IL17RC: variants seen among roughly 807,000 people sequenced by gnomAD.
IL17RC encodes interleukin 17 receptor C.
Under a neutral mutation model 86.7 loss-of-function variants are expected in IL17RC, and 53 were observed. The observed-to-expected ratio is 0.61, with a 90% confidence interval of 0.49 to 0.77. The LOEUF is 0.77. Ranked by LOEUF, IL17RC falls within the 30% of genes least tolerant of loss-of-function variation. IL17RC has a pLI of 0.00. For synonymous variants in IL17RC, 439 were observed against 413.1 expected, an observed-to-expected ratio of 1.06 and a Z score of -0.76; for missense variants, 957 against 940.0, an observed-to-expected ratio of 1.02 and a Z score of -0.24.
At chr3:9,923,811 C>T in intron 7 of IL17RC, 70 bp from the exon 8 acceptor site, 1 of 1,556,470 alleles carries the variant, frequency 6.4e-7, no homozygotes, top group Non-Finnish European at 8.8e-7. Context: ...AAGGAAACTC[C>T]AAAGGGTCAG....
At chr3:9,928,808 C>A (rs1323320434) in intron 12 of IL17RC, among the ~76,000 whole-genome samples, 178 bp downstream of exon 12, 1 of 152,156 alleles carries the variant, frequency 6.6e-6, no homozygotes, top group Non-Finnish European at 1.5e-5. Flanking sequence ...CCTCTCTGAA[C>A]GTCAGTTTCC....
chr3:9,930,476 A>G lies in IL17RC; in HGVS notation c.1338+17A>G, dbSNP rs915869606. 3 of 1,613,344 alleles carry G rather than the reference A, an allele frequency of 1.9e-6. No homozygotes were observed. The highest frequency in any genetic ancestry group is 2.5e-6 in the Non-Finnish European group (3 of 1,179,464). On this transcript the variant is annotated intron_variant, in intron 15 of 18. Coordinates refer to ENST00000403601, the MANE Select transcript of IL17RC (RefSeq NM_153460.4). The surrounding 1 kb of genome is among the most constrained non-coding windows in gnomAD (Gnocchi z 5.8). Reference sequence around the variant, plus strand: ...TGTCTGCAGGTGAGCTGGTGGAAGAAGGGCCCCACCTCAATGCCTAGGGGC... The same window carrying G: ...TGTCTGCAGGTGAGCTGGTGGAAGAGGGGCCCCACCTCAATGCCTAGGGGC...
In IL17RC at chr3:9,919,327, G is replaced by A. The variant is rs916082854; in HGVS notation, c.465+718G>A. On this transcript the variant is annotated intron_variant, in intron 5 of 18. Coordinates refer to ENST00000403601, the MANE Select transcript of IL17RC (RefSeq NM_153460.4). ...TTAAAGTTTTTTTGTTTTTGTTTTT[G>A]TTTTTGTTTTTGCCACATAAAAAAA... Among the ~76,000 whole-genome samples the A allele has an allele frequency of 2.2e-4, 30 of 137,010 alleles. 1 individual carries two copies. The East Asian group carries it at 5.6e-3, about 26-fold the overall frequency. 89.9% of individuals were successfully genotyped at this position (137,010 alleles called of 152,430 possible).
Position 9,928,379 on chromosome 3 carries a change from G to A in IL17RC, c.952G>A (p.Ala318Thr), listed in dbSNP as rs145516404. The change falls in exon 11 of 19, where the codon GCA (alanine) becomes ACA (threonine). Residue 318 changes from alanine to threonine, a missense_variant. By Grantham distance (58) the Ala-to-Thr change is moderately conservative (BLOSUM62 0). Transcript: ENST00000403601. ...GACCCTGCAGAGCTGGCTGCTGGAC[G>A]CACCGTGCTCGCTGCCCGCAGAAGC... ...LLTLQSWLLD[A>T]PCSLPAEAAL... 3.3e-3 allele frequency: 5,342 copies of A among 1,604,414 alleles called. 19 individuals carry two copies. The highest frequency in any genetic ancestry group is 3.3e-3 in the Non-Finnish European group (3,898 of 1,174,934).
intron 12 of IL17RC, chr3:9,928,908 G>A (rs775300989): frequency 3.0e-5 from 14 of 473,480 alleles, no homozygotes; most frequent in African/African-American, 7.8e-5. Flanking sequence ...CTTAGGAATC[G>A]GTACAGACTA....
intron 16 of IL17RC, among the ~76,000 whole-genome samples, chr3:9,931,471 A>ACACACATATATATATAATAAGTG (rs1491160591): frequency 0.013 from 70 of 5,240 alleles, no homozygotes; most frequent in African/African-American, 0.015. Context: ...ACACACACAC[A>ACACACATATATATATAATAAGTG]TATATATATA....
In IL17RC at chr3:9,918,525, C is replaced by G; in HGVS notation, c.381C>G (p.Leu127=). Residue 127 remains leucine (L), a synonymous_variant, in exon 5 of 19, where the codon CTC becomes CTG. Transcript: ENST00000403601. The part of the protein sequence containing the change: ...RNASLQAQVV[L]SFQAYPTARC... The stretch of plus-strand genomic sequence containing the variant: ...CCTCTCTCCAGGCCCAAGTCGTGCT[C>G]TCCTTCCAGGCCTACCCTACTGCCC... 1 of 1,614,148 alleles carries G rather than the reference C, an allele frequency of 6.2e-7. No homozygotes were observed. The highest frequency in any genetic ancestry group is 8.5e-7 in the Non-Finnish European group (1 of 1,180,012).
intron 9 of IL17RC, among the ~76,000 whole-genome samples, chr3:9,924,538 C>T (rs964692747): frequency 3.3e-5 from 5 of 152,148 alleles, no homozygotes; most frequent in African/African-American, 9.7e-5. Context: ...CAAATGTCAC[C>T]TTCTCCTTGA....
chr3:9,920,466 G>A (rs758333879), intron 5 of IL17RC, 25 bp from the exon 6 acceptor site: 4 of 1,477,556 alleles, frequency 2.7e-6, no homozygotes, highest in Non-Finnish European at 2.8e-6. Flanking sequence ...TGCACCGCCA[G>A]CCTTCCTCAC....
Position 9,930,153 on chromosome 3 carries a change from A to C in IL17RC, c.1278+4A>C, listed in dbSNP as rs1293975385. The C allele has an allele frequency of 6.2e-7, 1 of 1,613,762 alleles. No homozygotes were observed. Among genetic ancestry groups the C allele is most frequent in the Non-Finnish European group, 8.5e-7 (1 of 1,179,942 alleles). On this transcript the variant is annotated splice_donor_region_variant and intron_variant, in intron 14 of 18. Transcript: ENST00000403601. This position sits in a 1 kb window ranked among gnomAD's most constrained non-coding sequence, Gnocchi z 5.8. Reference sequence around the variant, plus strand: ...ACTACCCAGCAAAGCCTCCACGGTTAGGACTGGGCGACCCTCCTCCACAGA... The same window carrying C: ...ACTACCCAGCAAAGCCTCCACGGTTCGGACTGGGCGACCCTCCTCCACAGA...
At chr3:9,917,802 A>T in intron 2 of IL17RC, 68 bp downstream of exon 2, 1 of 1,607,040 alleles carries the variant, frequency 6.2e-7, no homozygotes, top group South Asian at 1.1e-5. Context: ...TCCCAGGCCC[A>T]TGCCCTCCAT....
At chr3:9,919,308 T>A (rs928902549) in intron 5 of IL17RC, among the ~76,000 whole-genome samples, 6 of 150,950 alleles carry the variant, frequency 4.0e-5, no homozygotes, top group African/African-American at 1.5e-4. Flanking sequence ...TCTCTTAAAG[T>A]TTTTTTGTTT....
Position 9,933,535 on chromosome 3 carries a change from C to T in IL17RC, c.2105C>T (p.Pro702Leu), listed in dbSNP as rs970649427. ...LDSYFHPPGTPAPGRGVGPGA... is the reference protein window; with the variant it reads ...LDSYFHPPGTLAPGRGVGPGA... ...AGCTACTTCCATCCCCCGGGGACTC[C>T]CGCGCCGGGACGCGGGGTGGGACCA... Residue 702 changes from proline (P) to leucine (L), a missense_variant, in exon 19 of 19, where the codon CCC becomes CTC. Transcript: ENST00000403601. 1.2e-6 allele frequency: 2 copies of T among 1,607,188 alleles called. No individual in the cohort carries two copies. The highest frequency in any genetic ancestry group is 1.7e-6 in the Non-Finnish European group (2 of 1,177,306).
At chr3:9,926,521 T>G (rs2084090754) in intron 9 of IL17RC, among the ~76,000 whole-genome samples, 1 of 152,222 alleles carries the variant, frequency 6.6e-6, no homozygotes, top group South Asian at 2.1e-4. Flanking sequence ...GTGATTTCCT[T>G]GAAGGCAAGC....
rs1001054288 is a variant in IL17RC, at chr3:9,928,390, G to T, written c.963G>T (p.Ser321=). 8 of 1,604,224 alleles carry T rather than the reference G, an allele frequency of 5.0e-6. No individual in the cohort carries two copies. Among genetic ancestry groups the T allele is most frequent in the South Asian group, 2.2e-5 (2 of 90,672 alleles). Residue 321 remains serine (S), a synonymous_variant, in exon 11 of 19, where the codon TCG becomes TCT. Transcript: ENST00000403601. ...GCTGGCTGCTGGACGCACCGTGCTC[G>T]CTGCCCGCAGAAGCGGCACTGTGCT... The part of the protein sequence containing the change: ...LQSWLLDAPC[S]LPAEAALCWR...
In IL17RC at chr3:9,929,838, T is replaced by C; in HGVS notation, c.1111-14T>C. Reference sequence around the variant, plus strand: ...CTTTTCTTAGTGGCCCTAACCATGGTCTCTTCCCAGCAGGTGAACAGCTCG... The same window carrying C: ...CTTTTCTTAGTGGCCCTAACCATGGCCTCTTCCCAGCAGGTGAACAGCTCG... On this transcript the variant is annotated splice_polypyrimidine_tract_variant and intron_variant, in intron 12 of 18. Transcript: ENST00000403601. The C allele has an allele frequency of 1.9e-6, 3 of 1,614,034 alleles. No individual in the cohort carries two copies.
chr3:9,932,896 G>C (rs745583769), intron 18 of IL17RC, 38 bp downstream of exon 18: 3 of 1,594,230 alleles, frequency 1.9e-6, no homozygotes, highest in Non-Finnish European at 2.6e-6. Context: ...GGCCGCCCCC[G>C]GGGAGCCAGG....
chr3:9,928,713 C>T, intron 12 of IL17RC, 83 bp downstream of exon 12: 1 of 1,443,352 alleles, frequency 6.9e-7, no homozygotes, highest in Admixed American at 1.8e-5. Flanking sequence ...TCTTGGGCCG[C>T]TAAAGCATAG....
At position 9,917,158 on chromosome 3, in the gene IL17RC, G is replaced by C. The variant is rs1399574856; in HGVS notation, c.-158G>C. 3 of 619,878 alleles carry C rather than the reference G, an allele frequency of 4.8e-6. No individual in the cohort carries two copies. The African/African-American group carries it at 5.5e-5, about 11-fold the overall frequency. The allele number at this position is 619,878 out of a possible 1,614,324, so 38.4% of individuals were successfully genotyped here. ...AGTCAGGACTCCCAGGACAGAGAGT[G>C]CACAAACTACCCAGCACAGCCCCCT... On this transcript the variant is annotated 5_prime_UTR_variant, in exon 1 of 19. Coordinates refer to ENST00000403601, the MANE Select transcript of IL17RC (RefSeq NM_153460.4).
Sources: allele counts gnomAD v4.1 joint callset (sites outside exome capture counted in the v4.1 genomes callset), GRCh38; gene constraint gnomAD v4.1.1; non-coding constraint Gnocchi (gnomAD v3.1); transcripts MANE v1.5; gene names NCBI Gene and HGNC (gene_info 2026-07-23, HGNC 2026-07-21).